The following CDH13 variants were observed in gnomAD, a reference collection of about 807,000 sequenced individuals.
The protein encoded by CDH13 is cadherin-13.
In CDH13, 24 loss-of-function variants were observed where a neutral mutation model predicts 63.8. That is an observed-to-expected ratio of 0.38 (90% CI 0.27 to 0.53). CDH13 has a LOEUF of 0.53. Among genes scored for constraint, CDH13 ranks in the 20% least tolerant of loss-of-function variants. The pLI, the probability that CDH13 is intolerant of heterozygous loss-of-function variation, is 0.85. For synonymous variants in CDH13, 503 were observed against 355.3 expected (o/e 1.42, Z -4.67); for missense variants, 1,049 against 903.1 (o/e 1.16, Z -2.07).
intron 1 of CDH13, among the ~76,000 whole-genome samples, chr16:82,789,554 T>C (rs2036185473): frequency 6.6e-6 from 1 of 152,112 alleles, no homozygotes; most frequent in African/African-American, 2.4e-5. Context: ...GCAAGAGAAA[T>C]ATTTTCAAAG....
chr16:83,583,151 C>T (rs1905793519), intron 7 of CDH13, among the ~76,000 whole-genome samples: 1 of 152,166 alleles, frequency 6.6e-6, no homozygotes, highest in African/African-American at 2.4e-5. Context: ...CCTTCAGGGG[C>T]CCTTCTCCCT....
At chr16:83,163,803 C>T (rs1009202197) in intron 4 of CDH13, among the ~76,000 whole-genome samples, 1 of 152,076 alleles carries the variant, frequency 6.6e-6, no homozygotes, top group African/African-American at 2.4e-5. Flanking sequence ...ATAAACAAAC[C>T]TTTGTTGAGT....
At chr16:83,099,808 A>C (rs1178275197) in intron 3 of CDH13, among the ~76,000 whole-genome samples, 1 of 152,158 alleles carries the variant, frequency 6.6e-6, no homozygotes, top group Non-Finnish European at 1.5e-5. Flanking sequence ...GAGATAATTC[A>C]TTTGAAAAGT....
intron 7 of CDH13, among the ~76,000 whole-genome samples, chr16:83,549,642 CAAA>C (rs11302201): frequency 2.4e-5 from 3 of 125,716 alleles, no homozygotes; most frequent in Admixed American, 8.4e-5. Context: ...TCTCTACGCT[CAAA>C]AAAAAAAAAA....
chr16:82,916,080 C>T (rs2041978293), intron 2 of CDH13, among the ~76,000 whole-genome samples: 1 of 152,064 alleles, frequency 6.6e-6, no homozygotes, highest in African/African-American at 2.4e-5. Flanking sequence ...GTTTAAATGC[C>T]TCCAGACTAC....
At chr16:82,702,316 C>T (rs545024191) in intron 1 of CDH13, among the ~76,000 whole-genome samples, 8 of 152,308 alleles carry the variant, frequency 5.3e-5, no homozygotes, top group African/African-American at 1.9e-4. Flanking sequence ...TCTACACTTC[C>T]ATCATGGTTC....
chr16:83,506,938 C>G (rs2074410041), intron 7 of CDH13, among the ~76,000 whole-genome samples: 1 of 152,238 alleles, frequency 6.6e-6, no homozygotes, highest in Non-Finnish European at 1.5e-5. Context: ...CTGAACTACA[C>G]AGCTGAGCAG....
intron 10 of CDH13, among the ~76,000 whole-genome samples, chr16:83,713,436 G>T (rs1167411051): frequency 6.6e-6 from 1 of 151,964 alleles, no homozygotes; most frequent in Admixed American, 6.6e-5. Flanking sequence ...AGTTGGGGAG[G>T]GAGGGAGATT....
intron 10 of CDH13, among the ~76,000 whole-genome samples, chr16:83,730,552 A>G (rs1181639981): frequency 6.6e-6 from 1 of 152,246 alleles, no homozygotes; most frequent in Non-Finnish European, 1.5e-5. Context: ...AGTTCAACAC[A>G]CTAAAATATA....
chr16:83,712,604 C>T (rs1010196709), intron 10 of CDH13, among the ~76,000 whole-genome samples: 1 of 152,196 alleles, frequency 6.6e-6, no homozygotes, highest in Non-Finnish European at 1.5e-5. Context: ...CTGTACAAGC[C>T]AGCAAGGCAA....
At chr16:83,159,054 A>G (rs929813145) in intron 4 of CDH13, among the ~76,000 whole-genome samples, 1 of 151,754 alleles carries the variant, frequency 6.6e-6, no homozygotes, top group Non-Finnish European at 1.5e-5. Flanking sequence ...GACACCTTCA[A>G]CTTCACGTTT....
intron 6 of CDH13, among the ~76,000 whole-genome samples, chr16:83,481,773 T>C (rs904256512): frequency 6.6e-6 from 1 of 152,144 alleles, no homozygotes; most frequent in Admixed American, 6.5e-5. Flanking sequence ...AGGAGAGTAT[T>C]GTGACGGGGG....
intron 2 of CDH13, among the ~76,000 whole-genome samples, chr16:83,007,551 C>T (rs531348118): frequency 1.3e-5 from 2 of 152,206 alleles, no homozygotes; most frequent in East Asian, 1.9e-4. Context: ...GTCTTAAGGC[C>T]GGGCTCAGTG....
intron 1 of CDH13, among the ~76,000 whole-genome samples, chr16:82,791,224 G>A (rs1408688558): frequency 1.9e-3 from 247 of 128,226 alleles, no homozygotes; most frequent in African/African-American, 6.8e-3. Flanking sequence ...GCGACAAAGC[G>A]AGACTCCGTC....
intron 2 of CDH13, among the ~76,000 whole-genome samples, chr16:82,990,842 T>G (rs1911574255): frequency 6.6e-6 from 1 of 152,130 alleles, no homozygotes; most frequent in South Asian, 2.1e-4. Context: ...TGCCCCACAG[T>G]ATATCTTTTT....
intron 1 of CDH13, among the ~76,000 whole-genome samples, chr16:82,839,384 C>T (rs2038912236): frequency 6.6e-6 from 1 of 152,186 alleles, no homozygotes; most frequent in African/African-American, 2.4e-5. Context: ...TTCCTGCGTC[C>T]ATCTCTTGTC....
chr16:83,163,523 A>C (rs536494915), intron 4 of CDH13, among the ~76,000 whole-genome samples: 2 of 152,144 alleles, frequency 1.3e-5, no homozygotes, highest in Non-Finnish European at 2.9e-5. Flanking sequence ...TAGTAGAGCC[A>C]TTGGCACTCA....
intron 6 of CDH13, among the ~76,000 whole-genome samples, chr16:83,367,912 C>A (rs1377431443): frequency 6.6e-6 from 1 of 152,170 alleles, no homozygotes; most frequent in Non-Finnish European, 1.5e-5. Flanking sequence ...TCTTCCCATC[C>A]ATGAATATAG....
At chr16:83,164,518 C>CA (rs1567465907) in intron 4 of CDH13, among the ~76,000 whole-genome samples, 1 of 151,958 alleles carries the variant, frequency 6.6e-6, no homozygotes, top group Non-Finnish European at 1.5e-5. Flanking sequence ...GTCAGGGGTT[C>CA]AAAACCAGCC....
Sources: gnomAD v4.1 joint callset for allele counts (sites outside exome capture counted in the v4.1 genomes callset) on GRCh38, gnomAD v4.1.1 for gene constraint, MANE v1.5 for transcripts, NCBI Gene and HGNC (gene_info 2026-07-23, HGNC 2026-07-21) for gene names.